Variants in HECA observed in about 807,000 individuals in gnomAD.
HECA encodes HECA ribonucleoprotein granule regulator.
HECA carries 13 observed loss-of-function variants against 37.6 expected under a neutral mutation model. The ratio of observed to expected loss-of-function variants is 0.35; its 90% confidence interval spans 0.23 to 0.55. HECA has a LOEUF of 0.55. Among genes scored for constraint, HECA ranks in the 20% least tolerant of loss-of-function variants. The pLI is 0.90. For synonymous variants in HECA, 307 were observed against 291.5 expected (o/e 1.05, Z -0.54); for missense variants, 527 against 701.9 (o/e 0.75, Z 2.82).
At chr6:139,155,070 A>T (rs1438534886) in intron 1 of HECA, among the ~76,000 whole-genome samples, 1 of 152,220 alleles carries the variant, frequency 6.6e-6, no homozygotes, top group Non-Finnish European at 1.5e-5. Context: ...CGATTTCATC[A>T]TCAGGCGTAC....
intron 1 of HECA, among the ~76,000 whole-genome samples, chr6:139,151,491 G>C (rs1774650477): frequency 6.6e-6 from 1 of 152,082 alleles, no homozygotes; most frequent in African/African-American, 2.4e-5. Context: ...TGCTTTTTCT[G>C]CTACTTAATT....
In HECA at chr6:139,176,603, AG is replaced by A. The variant is rs1181671863; in HGVS notation, c.1468-337del. On this transcript the variant is annotated intron_variant, in intron 3 of 3. Coordinates refer to ENST00000367658, the MANE Select transcript of HECA (RefSeq NM_016217.3). The surrounding 1 kb of genome is among the most constrained non-coding windows in gnomAD (Gnocchi z 4.5). Reference sequence around the variant, plus strand: ...AGTAGAATGAAAAATGAAATTTCAAAGAAGTTTCGTGGAGGTTTGGGTGAGG... The same window carrying A: ...AGTAGAATGAAAAATGAAATTTCAAAAAGTTTCGTGGAGGTTTGGGTGAGG... Among the ~76,000 whole-genome samples, 1 of 152,216 alleles carries A rather than the reference AG, an allele frequency of 6.6e-6. No homozygotes were observed. Among genetic ancestry groups the A allele is most frequent in the Non-Finnish European group, 1.5e-5 (1 of 68,028 alleles).
At chr6:139,157,033 A>G (rs570570494) in intron 1 of HECA, among the ~76,000 whole-genome samples, 1 of 152,246 alleles carries the variant, frequency 6.6e-6, no homozygotes, top group Non-Finnish European at 1.5e-5. Flanking sequence ...TGGCTACTCC[A>G]TAGACAGAGC....
intron 2 of HECA, among the ~76,000 whole-genome samples, chr6:139,172,538 T>C (rs746145310): frequency 2.0e-5 from 3 of 152,244 alleles, no homozygotes; most frequent in Non-Finnish European, 2.9e-5. Flanking sequence ...CTTATTGGGC[T>C]TCTTTACCAC....
intron 1 of HECA, among the ~76,000 whole-genome samples, chr6:139,136,402 T>G (rs1218844401): frequency 6.6e-6 from 1 of 152,206 alleles, no homozygotes; most frequent in African/African-American, 2.4e-5. Flanking sequence ...ACTTAGGAAC[T>G]GGCCCAGATG....
At chr6:139,139,522 T>A (rs1312848774) in intron 1 of HECA, among the ~76,000 whole-genome samples, 1 of 152,026 alleles carries the variant, frequency 6.6e-6, no homozygotes, top group East Asian at 1.9e-4. Context: ...TACTGGAGAG[T>A]GCTCTTGGCA....
chr6:139,162,445 TAA>T (rs1282362164), intron 1 of HECA, among the ~76,000 whole-genome samples: 3 of 152,182 alleles, frequency 2.0e-5, no homozygotes, highest in Non-Finnish European at 4.4e-5. Flanking sequence ...AAAGAGAAGT[TAA>T]GTAAGTTGTC....
intron 1 of HECA, among the ~76,000 whole-genome samples, chr6:139,136,227 G>A (rs1242751401): frequency 6.8e-6 from 1 of 146,820 alleles, no homozygotes; most frequent in Non-Finnish European, 1.5e-5. Flanking sequence ...CTTGAGGAAG[G>A]AAGAGAATCT....
intron 1 of HECA, among the ~76,000 whole-genome samples, chr6:139,157,976 G>C (rs1005788973): frequency 6.6e-6 from 1 of 152,212 alleles, no homozygotes; most frequent in African/African-American, 2.4e-5. Flanking sequence ...CCTGGTTGTG[G>C]CTTTGCTCTA....
chr6:139,173,119 A>C (rs1774998377), intron 2 of HECA, among the ~76,000 whole-genome samples: 1 of 152,196 alleles, frequency 6.6e-6, no homozygotes. Context: ...ACATGCCCCG[A>C]GGCCAGAGTA....
intron 2 of HECA, among the ~76,000 whole-genome samples, chr6:139,168,785 T>G (rs1774930879): frequency 6.6e-6 from 1 of 152,252 alleles, no homozygotes; most frequent in Non-Finnish European, 1.5e-5. Context: ...TTTGAGACTT[T>G]CAACGTCTGA....
Position 139,177,084 on chromosome 6 carries a change from C to T in HECA, c.1611C>T (p.Phe537=). The change falls in exon 4 of 4, where the codon TTC becomes TTT. Residue 537 remains phenylalanine, a synonymous_variant. Coordinates refer to ENST00000367658, the MANE Select transcript of HECA (RefSeq NM_016217.3). This position sits in a 1 kb window ranked among gnomAD's most constrained non-coding sequence, Gnocchi z 4.9. ...ACTTCGTGAAGCCATTTTCCTCCTT[C>T]AAAGTTCTCGAAGCTTATTGATGAA... is the stretch of plus-strand genomic sequence containing the variant. ...DYHFVKPFSS[F]KVLEAY is the part of the protein sequence containing the mutation. 1 of 860,240 alleles carries T rather than the reference C, an allele frequency of 1.2e-6. No homozygotes were observed. Among genetic ancestry groups the T allele is most frequent in the Non-Finnish European group, 2.0e-6 (1 of 491,144 alleles). The allele number at this position is 860,240 out of a possible 1,614,324, so 53.3% of individuals were successfully genotyped here.
intron 1 of HECA, among the ~76,000 whole-genome samples, chr6:139,156,315 A>T (rs1774711390): frequency 6.6e-6 from 1 of 151,806 alleles, no homozygotes; most frequent in Non-Finnish European, 1.5e-5. Flanking sequence ...CAATGCTTCC[A>T]CCTCGGCCTC....
intron 1 of HECA, among the ~76,000 whole-genome samples, chr6:139,158,956 T>C (rs2327934): frequency 0.71 from 107,854 of 151,726 alleles, 39,558 homozygotes; most frequent in African/African-American, 0.86. Flanking sequence ...GCCTGTAATC[T>C]CAGCTACTTA....
chr6:139,139,569 G>C (rs1774489265), intron 1 of HECA, among the ~76,000 whole-genome samples: 1 of 152,198 alleles, frequency 6.6e-6, no homozygotes. Context: ...GCAGGATTGG[G>C]CAGAAGCAGG....
intron 2 of HECA, among the ~76,000 whole-genome samples, chr6:139,168,005 A>G (rs1774917239): frequency 6.6e-6 from 1 of 152,244 alleles, no homozygotes; most frequent in Non-Finnish European, 1.5e-5. Context: ...GACACATCAC[A>G]TATAACATGT....
intron 1 of HECA, among the ~76,000 whole-genome samples, chr6:139,147,263 G>C (rs993619036): frequency 6.6e-6 from 1 of 152,046 alleles, no homozygotes; most frequent in Non-Finnish European, 1.5e-5. Context: ...TTAAAGGAGA[G>C]GACTGAAATT....
In HECA at chr6:139,166,735, C is replaced by T. The variant is rs1562248318; in HGVS notation, c.723C>T (p.Arg241=). ...PQKGPSHDLP[R]RHSMDRQNSQ... ...AAGGCCCAAGCCACGACCTCCCCCG[C>T]CGGCATTCCATGGACCGGCAGAACT... The change falls in exon 2 of 4, where the codon CGC becomes CGT. Residue 241 remains arginine, a synonymous_variant. Coordinates refer to ENST00000367658, the MANE Select transcript of HECA (RefSeq NM_016217.3). The T allele has an allele frequency of 6.2e-7, 1 of 1,613,238 alleles. No individual in the cohort carries two copies. The highest frequency in any genetic ancestry group is 8.5e-7 in the Non-Finnish European group (1 of 1,179,608).
Position 139,166,857 on chromosome 6 carries a change from C to T in HECA, c.845C>T (p.Pro282Leu). 1 of 1,614,006 alleles carries T rather than the reference C, an allele frequency of 6.2e-7. No homozygotes were observed. ...SPPTGYSILS[P>L]AHFSGPRSSR... ...CCCACGGGCTACTCCATCCTCTCTC[C>T]TGCCCACTTCAGCGGCCCCCGCTCC... Residue 282 changes from proline (P) to leucine (L), a missense_variant, in exon 2 of 4, where the codon CCT (proline) becomes CTT (leucine). Coordinates refer to ENST00000367658, the MANE Select transcript of HECA (RefSeq NM_016217.3).
Sources: allele counts gnomAD v4.1 joint callset (sites outside exome capture counted in the v4.1 genomes callset), GRCh38; gene constraint gnomAD v4.1.1; non-coding constraint Gnocchi (gnomAD v3.1); transcripts MANE v1.5; gene names NCBI Gene and HGNC (gene_info 2026-07-23, HGNC 2026-07-21).